FHIT: variants seen among roughly 807,000 people sequenced by gnomAD.
FHIT encodes bis(5'-adenosyl)-triphosphatase.
FHIT carries 19 observed loss-of-function variants against 17.9 expected under a neutral mutation model. The observed-to-expected ratio is 1.06, with a 90% CI of 0.74 to 1.56. The LOEUF is 1.56. FHIT is among the 40% of genes most tolerant of loss of function. The pLI is 0.00. For synonymous variants in FHIT, 81 were observed against 69.7 expected (o/e 1.16, Z -0.81); for missense variants, 248 against 189.2 (o/e 1.31, Z -1.82).
intron 1 of FHIT, among the ~76,000 whole-genome samples, chr3:61,249,942 ACAC>A (rs918076768): frequency 1.6e-5 from 1 of 62,266 alleles, no homozygotes; most frequent in Non-Finnish European, 2.6e-5. Context: ...CAACACACAC[ACAC>A]ACACACACAC....
At chr3:60,786,214 G>A (rs994285782) in intron 4 of FHIT, among the ~76,000 whole-genome samples, 6 of 152,190 alleles carry the variant, frequency 3.9e-5, no homozygotes, top group African/African-American at 1.4e-4. Flanking sequence ...ACTACTTGGT[G>A]CCTAAATGTT....
At chr3:59,812,766 A>T (rs1435022211) in intron 8 of FHIT, among the ~76,000 whole-genome samples, 1 of 152,232 alleles carries the variant, frequency 6.6e-6, no homozygotes, top group African/African-American at 2.4e-5. Context: ...GCCAGGATGC[A>T]TCTACCCTCA....
intron 2 of FHIT, among the ~76,000 whole-genome samples, chr3:61,110,804 T>A (rs952477945): frequency 6.6e-6 from 1 of 152,194 alleles, no homozygotes; most frequent in Non-Finnish European, 1.5e-5. Context: ...TCTAAACACA[T>A]AATGATAGTG....
intron 4 of FHIT, among the ~76,000 whole-genome samples, chr3:60,637,846 G>A (rs548298441): frequency 8.5e-5 from 13 of 152,192 alleles, no homozygotes; most frequent in South Asian, 2.1e-4. Flanking sequence ...TTCTTTTCAC[G>A]GAAAGGGACC....
intron 1 of FHIT, among the ~76,000 whole-genome samples, chr3:61,201,962 ATG>A (rs973023508): frequency 9.9e-5 from 15 of 150,962 alleles, no homozygotes; most frequent in East Asian, 1.9e-4. Context: ...GTGTATATAT[ATG>A]TGTGTGTATG....
intron 3 of FHIT, among the ~76,000 whole-genome samples, chr3:60,926,201 T>C (rs1347840611): frequency 6.6e-6 from 1 of 152,160 alleles, no homozygotes; most frequent in Non-Finnish European, 1.5e-5. Flanking sequence ...CTGCACCAAG[T>C]GGACCTAACA....
intron 5 of FHIT, among the ~76,000 whole-genome samples, chr3:60,311,677 T>C (rs139619627): frequency 1.3e-5 from 2 of 152,346 alleles, no homozygotes; most frequent in East Asian, 3.9e-4. Context: ...CTGTGTTGTC[T>C]ACCATTCTGA....
Position 60,721,122 on chromosome 3 carries a change from TA to T in FHIT, c.-18+100796del, listed in dbSNP as rs36089312. On this transcript the variant is annotated intron_variant, in intron 4 of 9. Coordinates refer to ENST00000492590, the MANE Select transcript of FHIT (RefSeq NM_002012.4). Reference sequence around the variant, plus strand: ...TGTGGGAGCAATTAATTCCTACTGCTAAAAAAAAAGGTGAGAACTCCTGAGT... The same window carrying T: ...TGTGGGAGCAATTAATTCCTACTGCTAAAAAAAAGGTGAGAACTCCTGAGT... Among the ~76,000 whole-genome samples the T allele has an allele frequency of 6.8e-3, 1,026 of 150,156 alleles. 13 individuals carry two copies. Among genetic ancestry groups the T allele is most frequent in the Non-Finnish European group, 5.3e-3 (358 of 67,436 alleles).
intron 5 of FHIT, among the ~76,000 whole-genome samples, chr3:60,299,571 T>C (rs13315808): frequency 0.56 from 85,091 of 151,910 alleles, 24,870 homozygotes; most frequent in East Asian, 0.96. Flanking sequence ...GCTTTATTAC[T>C]ACTGGGCAGG....
intron 7 of FHIT, among the ~76,000 whole-genome samples, chr3:59,976,055 G>T (rs780661132): frequency 2.6e-5 from 4 of 151,986 alleles, no homozygotes; most frequent in Non-Finnish European, 4.4e-5. Flanking sequence ...TAGTGACCTT[G>T]GACTGACCCT....
intron 8 of FHIT, among the ~76,000 whole-genome samples, chr3:59,773,507 A>G (rs890898155): frequency 4.6e-5 from 7 of 152,168 alleles, no homozygotes; most frequent in African/African-American, 1.7e-4. Context: ...TGTTTTTAAA[A>G]TCCTGCTTAG....
chr3:60,570,012 T>G (rs1405156908), intron 4 of FHIT, among the ~76,000 whole-genome samples: 1 of 152,084 alleles, frequency 6.6e-6, no homozygotes, highest in Non-Finnish European at 1.5e-5. Flanking sequence ...TAGAATGTTT[T>G]CATCACTGCC....
At chr3:61,118,764 A>T (rs1170152531) in intron 2 of FHIT, among the ~76,000 whole-genome samples, 1 of 152,204 alleles carries the variant, frequency 6.6e-6, no homozygotes, top group African/African-American at 2.4e-5. Context: ...GTAAAGTAGA[A>T]GGAACTTTAT....
intron 2 of FHIT, among the ~76,000 whole-genome samples, chr3:61,046,670 C>A (rs2033803252): frequency 1.3e-5 from 2 of 152,110 alleles, no homozygotes; most frequent in African/African-American, 4.8e-5. Context: ...ATAGCAAAGC[C>A]TGGCAGAGAC....
At chr3:59,879,920 C>A (rs368681337) in intron 8 of FHIT, among the ~76,000 whole-genome samples, 2 of 83,084 alleles carry the variant, frequency 2.4e-5, no homozygotes, top group Non-Finnish European at 2.0e-5. Context: ...ATTTCCCCCA[C>A]CCCCCCCCCC....
chr3:60,504,848 T>C (rs2034663778), intron 5 of FHIT, among the ~76,000 whole-genome samples: 1 of 152,238 alleles, frequency 6.6e-6, no homozygotes, highest in South Asian at 2.1e-4. Context: ...ATTTAATTTA[T>C]AATTATTTTT....
chr3:59,995,315 T>C (rs983122070), intron 7 of FHIT, among the ~76,000 whole-genome samples: 1 of 152,106 alleles, frequency 6.6e-6, no homozygotes, highest in Non-Finnish European at 1.5e-5. Context: ...TTCAACTTTC[T>C]TAACTCTAAA....
intron 4 of FHIT, among the ~76,000 whole-genome samples, chr3:60,568,448 G>A (rs1350705255): frequency 6.6e-6 from 1 of 151,676 alleles, no homozygotes; most frequent in Admixed American, 6.6e-5. Context: ...CACACACCAG[G>A]GCCTGTTGTG....
At chr3:59,854,167 TC>T (rs1293883803) in intron 8 of FHIT, among the ~76,000 whole-genome samples, 1 of 152,010 alleles carries the variant, frequency 6.6e-6, no homozygotes, top group East Asian at 1.9e-4. Flanking sequence ...TGCAAGGAAA[TC>T]CCCAGAAGCC....
Sources: gnomAD v4.1 joint callset for allele counts (sites outside exome capture counted in the v4.1 genomes callset) on GRCh38, gnomAD v4.1.1 for gene constraint, MANE v1.5 for transcripts, NCBI Gene and HGNC (gene_info 2026-07-23, HGNC 2026-07-21) for gene names.